PDCD1LG2: variants seen among roughly 807,000 people sequenced by gnomAD.
PDCD1LG2 encodes programmed cell death 1 ligand 2, also known as B7 dendritic cell molecule.
PDCD1LG2 carries 32 observed loss-of-function variants against 28.2 expected under a neutral mutation model. The observed-to-expected ratio is 1.13, with a 90% CI of 0.86 to 1.52. The LOEUF is 1.52. Among genes scored for constraint, PDCD1LG2 ranks in the 40% most tolerant of loss-of-function variants. The pLI, the probability that PDCD1LG2 is intolerant of heterozygous loss-of-function variation, is 0.00. For synonymous variants in PDCD1LG2, 116 were observed against 120.2 expected (o/e 0.97, Z 0.23); for missense variants, 385 against 323.8 (o/e 1.19, Z -1.45).
At position 5,515,937 on chromosome 9, in the gene PDCD1LG2, A is replaced by AG. The variant is rs1481363215; in HGVS notation, c.-15+5134_-15+5135insG. ...GACTCCATCTCAAAAAAAAAAAAAA[A>AG]AAAAAAAAAAAAGAAAAGAAAGAAA... On this transcript the variant is annotated intron_variant, in intron 1 of 6. Transcript: ENST00000397747. Among the ~76,000 whole-genome samples, 347 of 149,824 alleles carry AG rather than the reference A, an allele frequency of 2.3e-3. 3 individuals are homozygous for AG. The highest frequency in any genetic ancestry group is 4.4e-3 in the Non-Finnish European group (292 of 67,112).
intron 1 of PDCD1LG2, among the ~76,000 whole-genome samples, chr9:5,514,403 G>C (rs992876975): frequency 1.3e-5 from 2 of 152,048 alleles, no homozygotes; most frequent in Non-Finnish European, 2.9e-5. Context: ...TAGCAACCAA[G>C]AAGTGAAACT....
In PDCD1LG2 at chr9:5,516,703, C is replaced by T. The variant is rs187122117; in HGVS notation, c.-14-5830C>T. Among the ~76,000 whole-genome samples, 715 of 152,332 alleles carry T rather than the reference C, an allele frequency of 4.7e-3. 8 individuals carry two copies. The highest frequency in any genetic ancestry group is 0.016 in the African/African-American group (680 of 41,582). On this transcript the variant is annotated intron_variant, in intron 1 of 6. Coordinates refer to ENST00000397747, the MANE Select transcript of PDCD1LG2 (RefSeq NM_025239.4). ...TCAGCACCCAACATCTGGAAGAGGT[C>T]GAGGCAGCAGGGGGCTAGTGTGTCA... is the stretch of plus-strand genomic sequence containing the variant.
intron 2 of PDCD1LG2, among the ~76,000 whole-genome samples, chr9:5,530,524 A>T (rs1820462323): frequency 6.6e-6 from 1 of 151,946 alleles, no homozygotes; most frequent in Admixed American, 6.6e-5. Context: ...ATGCCAGTGG[A>T]TATATAGTCA....
At chr9:5,548,662 A>G (rs1390867388) in intron 3 of PDCD1LG2, among the ~76,000 whole-genome samples, 1 of 152,202 alleles carries the variant, frequency 6.6e-6, no homozygotes, top group East Asian at 1.9e-4. Flanking sequence ...TATACTGCAA[A>G]GAAGCAGGTG....
chr9:5,526,377 TC>T (rs1198681626), intron 2 of PDCD1LG2, among the ~76,000 whole-genome samples: 1 of 152,112 alleles, frequency 6.6e-6, no homozygotes, highest in Non-Finnish European at 1.5e-5. Context: ...CAATAAAACC[TC>T]CTTTGCAAAT....
chr9:5,518,187 A>T (rs903015968), intron 1 of PDCD1LG2, among the ~76,000 whole-genome samples: 6 of 152,258 alleles, frequency 3.9e-5, no homozygotes, highest in African/African-American at 1.4e-4. Context: ...CAATTTGTAA[A>T]ACCAGGATTA....
intron 2 of PDCD1LG2, among the ~76,000 whole-genome samples, chr9:5,532,307 G>C (rs552170094): frequency 7.2e-5 from 11 of 152,298 alleles, no homozygotes; most frequent in Middle Eastern, 3.4e-3. Context: ...TTCTAGCCAT[G>C]GTTAAAACAG....
At chr9:5,530,645 C>G (rs534366564) in intron 2 of PDCD1LG2, among the ~76,000 whole-genome samples, 1 of 152,330 alleles carries the variant, frequency 6.6e-6, no homozygotes, top group Non-Finnish European at 1.5e-5. Context: ...AGTTGCATCA[C>G]TTCTTTGAGC....
intron 6 of PDCD1LG2, among the ~76,000 whole-genome samples, chr9:5,568,776 G>A (rs945065583): frequency 5.5e-4 from 83 of 152,200 alleles, no homozygotes; most frequent in African/African-American, 2.0e-3. Context: ...GTCACTAACA[G>A]CTTCACTCAC....
intron 1 of PDCD1LG2, among the ~76,000 whole-genome samples, chr9:5,515,052 G>A (rs1331486901): frequency 6.6e-6 from 1 of 152,184 alleles, no homozygotes; most frequent in African/African-American, 2.4e-5. Context: ...AAGTGATAAT[G>A]ACGATGAATG....
chr9:5,529,669 C>T (rs1032365910), intron 2 of PDCD1LG2, among the ~76,000 whole-genome samples: 2 of 152,084 alleles, frequency 1.3e-5, no homozygotes, highest in African/African-American at 4.8e-5. Context: ...TTTCTTCTCT[C>T]TTCGTACTCC....
At chr9:5,526,880 T>C (rs79192010) in intron 2 of PDCD1LG2, among the ~76,000 whole-genome samples, 7,063 of 152,322 alleles carry the variant, frequency 0.046, 242 homozygotes, top group Non-Finnish European at 0.069. Context: ...ATATATTTTA[T>C]TGGACATGCT....
At chr9:5,555,554 G>C (rs6476988) in intron 4 of PDCD1LG2, among the ~76,000 whole-genome samples, 1 of 152,074 alleles carries the variant, frequency 6.6e-6, no homozygotes, top group African/African-American at 2.4e-5. Context: ...AGTGAGAAGC[G>C]AGACAGAAGT....
chr9:5,515,409 G>A (rs925112339), intron 1 of PDCD1LG2, among the ~76,000 whole-genome samples: 4 of 152,126 alleles, frequency 2.6e-5, no homozygotes, highest in Admixed American at 6.5e-5. Flanking sequence ...TCCACCATTC[G>A]GCAGGTCCTG....
At chr9:5,524,323 G>A (rs1185201201) in intron 2 of PDCD1LG2, among the ~76,000 whole-genome samples, 5 of 152,260 alleles carry the variant, frequency 3.3e-5, no homozygotes, top group African/African-American at 9.6e-5. Flanking sequence ...CTTTGGAATA[G>A]GTTTTTGCAC....
intron 1 of PDCD1LG2, among the ~76,000 whole-genome samples, chr9:5,516,155 G>A (rs1820158143): frequency 6.6e-6 from 1 of 151,826 alleles, no homozygotes; most frequent in Admixed American, 6.5e-5. Flanking sequence ...GGGTTCAAGC[G>A]ATTCTCCTGC....
intron 2 of PDCD1LG2, among the ~76,000 whole-genome samples, chr9:5,525,132 C>T (rs1465059726): frequency 6.6e-6 from 1 of 152,052 alleles, no homozygotes; most frequent in African/African-American, 2.4e-5. Context: ...TGGATCACCT[C>T]AGGTCAGGAG....
intron 2 of PDCD1LG2, among the ~76,000 whole-genome samples, chr9:5,532,612 T>C (rs1332222461): frequency 2.6e-5 from 4 of 152,136 alleles, no homozygotes; most frequent in Non-Finnish European, 5.9e-5. Context: ...ATTTGCAGGA[T>C]AGTGGGAAGA....
intron 3 of PDCD1LG2, among the ~76,000 whole-genome samples, chr9:5,536,328 G>C (rs902815668): frequency 6.6e-6 from 1 of 152,168 alleles, no homozygotes; most frequent in African/African-American, 2.4e-5. Flanking sequence ...AGTGTCCAGA[G>C]ACTTGGTTAA....
Sources: allele counts gnomAD v4.1 joint callset (sites outside exome capture counted in the v4.1 genomes callset), GRCh38; gene constraint gnomAD v4.1.1; transcripts MANE v1.5; gene names NCBI Gene and HGNC (gene_info 2026-07-23, HGNC 2026-07-21).